Variants in CLIC5 observed in about 807,000 individuals in gnomAD.
CLIC5 encodes the protein CLIC family member 5, also known as chloride intracellular channel protein 5.
In CLIC5, 20 loss-of-function variants were observed where a neutral mutation model predicts 24.7. The observed-to-expected ratio is 0.81, with a 90% CI of 0.57 to 1.18. The LOEUF (loss-of-function observed/expected upper bound fraction) is 1.18. Ranked by LOEUF, CLIC5 falls within the 50% of genes most tolerant of loss-of-function variation. The probability of loss-of-function intolerance (pLI) is 0.00; values close to 1 mark genes in which losing one functional copy is unlikely to be tolerated. For synonymous variants in CLIC5, 159 were observed against 135.6 expected (o/e 1.17, Z -1.20); for missense variants, 341 against 326.1 (o/e 1.05, Z -0.35).
At chr6:46,063,633 G>A (rs1183369784) in intron 1 of CLIC5, among the ~76,000 whole-genome samples, 2 of 152,196 alleles carry the variant, frequency 1.3e-5, no homozygotes, top group African/African-American at 4.8e-5. Context: ...ATGTGCATGG[G>A]AGAAAACTAT....
intron 4 of CLIC5, among the ~76,000 whole-genome samples, chr6:45,939,217 CTTTTTTTTTT>C (rs34976541): frequency 8.6e-6 from 1 of 115,782 alleles, no homozygotes; most frequent in East Asian, 2.9e-4. Context: ...CTCCTCTCCT[CTTTTTTTTTT>C]TTTTTTTTTT....
chr6:46,006,127 CATATATATATATATAT>C (rs58643121), intron 1 of CLIC5, among the ~76,000 whole-genome samples: 2 of 35,180 alleles, frequency 5.7e-5, no homozygotes, highest in African/African-American at 1.8e-4. Flanking sequence ...TGTATAAATA[CATATATATATATATAT>C]ATATATATAT....
At chr6:46,004,991 T>A (rs952240470) in intron 1 of CLIC5, among the ~76,000 whole-genome samples, 1 of 152,036 alleles carries the variant, frequency 6.6e-6, no homozygotes, top group Non-Finnish European at 1.5e-5. Flanking sequence ...AAAAGGCAGG[T>A]GAGACGGCCC....
chr6:46,119,747 T>C, the CLIC5 span, among the ~76,000 whole-genome samples: 13 of 152,358 alleles, frequency 8.5e-5, no homozygotes, highest in African/African-American at 3.1e-4. Flanking sequence ...ATACTGCACT[T>C]TTCTAATGGT....
chr6:46,078,619 CA>C (rs1762837017), intron 1 of CLIC5, among the ~76,000 whole-genome samples: 1 of 152,130 alleles, frequency 6.6e-6, no homozygotes, highest in Non-Finnish European at 1.5e-5. Context: ...TACTTAAGAG[CA>C]AGGGCCTTGT....
chr6:46,039,556 C>G (rs567330747), intron 1 of CLIC5, among the ~76,000 whole-genome samples: 14 of 151,198 alleles, frequency 9.3e-5, no homozygotes, highest in African/African-American at 3.4e-4. Flanking sequence ...AAAAAGAAAA[C>G]GAATAAAATA....
Position 45,898,990 on chromosome 6 carries a change from G to T in CLIC5, c.*4098C>A, listed in dbSNP as rs1402132934. 6.6e-6 allele frequency: 1 copy of T among 152,104 alleles called. No individual in the cohort carries two copies. Among genetic ancestry groups the T allele is most frequent in the African/African-American group, 2.4e-5 (1 of 41,406 alleles). 9.4% of individuals were successfully genotyped at this position (152,104 alleles called of 1,614,324 possible). ...TATTTTTGGTTGCAAGAAAGGAATTGGATCTATTTCTTTAACGTTAAATGA... is the reference window on the plus strand; with the variant it reads ...TATTTTTGGTTGCAAGAAAGGAATTTGATCTATTTCTTTAACGTTAAATGA... On this transcript the variant is annotated 3_prime_UTR_variant, in exon 6 of 6. Transcript: ENST00000339561.
In CLIC5 at chr6:45,949,315, G is replaced by C. The variant is rs757225485; in HGVS notation, c.240C>G (p.Asp80Glu). The change falls in exon 3 of 6, where the codon GAC becomes GAG. Residue 80 changes from aspartate to glutamate, a missense_variant. Coordinates refer to ENST00000339561, the MANE Select transcript of CLIC5 (RefSeq NM_016929.5). Reference protein sequence around the residue: ...THPPFLTFNGDVKTDVNKIEE... With the variant: ...THPPFLTFNGEVKTDVNKIEE... Reference sequence around the variant, plus strand: ...CGATCTTATTGACGTCTGTCTTCACGTCCCCGTTGAAGGTCAGGAAGGGCG... The same window carrying C: ...CGATCTTATTGACGTCTGTCTTCACCTCCCCGTTGAAGGTCAGGAAGGGCG... The C allele has an allele frequency of 1.9e-6, 3 of 1,613,818 alleles. No homozygotes were observed. The South Asian group carries it at 3.3e-5, about 18-fold the overall frequency.
chr6:46,016,810 A>G (rs1224577667), upstream of CLIC5, among the ~76,000 whole-genome samples: 1 of 152,140 alleles, frequency 6.6e-6, no homozygotes, highest in Non-Finnish European at 1.5e-5. Flanking sequence ...TTGTAGCAGC[A>G]TAGGATCTTT....
intron 1 of CLIC5, among the ~76,000 whole-genome samples, chr6:45,974,522 T>TATATATATAGAGAG (rs1339415709): frequency 1.5e-5 from 1 of 66,006 alleles, no homozygotes; most frequent in Non-Finnish European, 2.7e-5. Flanking sequence ...TATATATATA[T>TATATATATAGAGAG]AGAGAGAGAG....
intron 3 of CLIC5, among the ~76,000 whole-genome samples, chr6:45,948,133 A>T (rs1033038740): frequency 6.6e-6 from 1 of 152,232 alleles, no homozygotes; most frequent in Admixed American, 6.5e-5. Context: ...GAATCATATT[A>T]GCTAAGTGTT....
intron 1 of CLIC5, among the ~76,000 whole-genome samples, chr6:46,059,073 G>T (rs1768343428): frequency 6.6e-6 from 1 of 152,202 alleles, no homozygotes; most frequent in African/African-American, 2.4e-5. Context: ...CTTAAGCTTG[G>T]TTGGTGTCTA....
chr6:46,110,103 A>G, the CLIC5 span, among the ~76,000 whole-genome samples: 8 of 152,148 alleles, frequency 5.3e-5, no homozygotes, highest in Non-Finnish European at 1.0e-4. Flanking sequence ...ATCTTGAGTT[A>G]AAAGAACCTG....
At chr6:45,920,688 A>G (rs749079639) in intron 4 of CLIC5, 13 of 977,892 alleles carry the variant, frequency 1.3e-5, no homozygotes, top group Non-Finnish European at 1.6e-5. Flanking sequence ...TTCCACAGGC[A>G]GCTAGGACAA....
intron 4 of CLIC5, among the ~76,000 whole-genome samples, chr6:45,939,267 G>A (rs1196059165): frequency 6.8e-6 from 1 of 147,144 alleles, no homozygotes; most frequent in Non-Finnish European, 1.5e-5. Context: ...TGTTGCCCAG[G>A]CAACAGTGTG....
intron 1 of CLIC5, among the ~76,000 whole-genome samples, chr6:46,064,088 T>C (rs561849623): frequency 6.6e-6 from 1 of 152,160 alleles, no homozygotes; most frequent in Admixed American, 6.5e-5. Flanking sequence ...ATGATCAAAA[T>C]TAGTATATAA....
At chr6:45,977,430 T>G (rs1226920862) in intron 1 of CLIC5, among the ~76,000 whole-genome samples, 1 of 152,220 alleles carries the variant, frequency 6.6e-6, no homozygotes. Context: ...CCCAGCTACC[T>G]TCCCTCCATC....
chr6:45,986,823 G>A (rs1047086974), intron 1 of CLIC5, among the ~76,000 whole-genome samples: 1 of 152,156 alleles, frequency 6.6e-6, no homozygotes, highest in African/African-American at 2.4e-5. Context: ...AACCACTTGT[G>A]GGGTCACTTA....
In CLIC5 at chr6:45,902,937, T is replaced by C; in HGVS notation, c.*151A>G. On this transcript the variant is annotated 3_prime_UTR_variant, in exon 6 of 6. Transcript: ENST00000339561. The stretch of plus-strand genomic sequence containing the variant: ...GGATGGTGCTGACCTTCATGAAAGA[T>C]AGCAGGCTGGAGTTCCCATGATACC... The C allele has an allele frequency of 1.3e-6, 1 of 777,460 alleles. No individual in the cohort carries two copies. Among genetic ancestry groups the C allele is most frequent in the Non-Finnish European group, 2.1e-6 (1 of 477,068 alleles). 48.2% of individuals were successfully genotyped at this position (777,460 alleles called of 1,614,324 possible).
Sources: allele counts gnomAD v4.1 joint callset (sites outside exome capture counted in the v4.1 genomes callset), GRCh38; gene constraint gnomAD v4.1.1; transcripts MANE v1.5; gene names NCBI Gene and HGNC (gene_info 2026-07-23, HGNC 2026-07-21).